Variants in NOS1 observed in about 807,000 individuals in gnomAD.
The protein encoded by NOS1 is NOS type I.
NOS1 carries 51 observed loss-of-function variants against 164.5 expected under a neutral mutation model. The observed-to-expected ratio is 0.31, with a 90% CI of 0.25 to 0.39. NOS1 has a LOEUF of 0.39. NOS1 is among the 10% of genes least tolerant of loss of function. The pLI, the probability that NOS1 is intolerant of heterozygous loss-of-function variation, is 1.00. For missense variants in NOS1, 1,362 were observed against 1,885.6 expected (o/e 0.72, Z 5.14); for synonymous variants, 719 against 745.8 (o/e 0.96, Z 0.59).
At chr12:117,283,542 T>G (rs1873858361) in intron 7 of NOS1, among the ~76,000 whole-genome samples, 1 of 152,180 alleles carries the variant, frequency 6.6e-6, no homozygotes, top group Non-Finnish European at 1.5e-5. Flanking sequence ...ACTCAGAGCC[T>G]GCTCAGAGCC....
intron 3 of NOS1, among the ~76,000 whole-genome samples, chr12:117,304,181 A>C (rs545095784): frequency 2.8e-4 from 43 of 152,198 alleles, no homozygotes; most frequent in Middle Eastern, 3.4e-3. Context: ...CAAAAAAAAA[A>C]CCACAAAAAC....
At chr12:117,220,877 C>T (rs964104719) in intron 26 of NOS1, among the ~76,000 whole-genome samples, 6 of 152,148 alleles carry the variant, frequency 3.9e-5, no homozygotes, top group African/African-American at 1.4e-4. Flanking sequence ...TTTAACTTGT[C>T]CAGGAAACTC....
intron 27 of NOS1, among the ~76,000 whole-genome samples, chr12:117,218,756 G>A (rs1259481145): frequency 6.6e-6 from 1 of 152,066 alleles, no homozygotes; most frequent in African/African-American, 2.4e-5. Context: ...CAGCCCAAAC[G>A]ACGACTGACT....
intron 11 of NOS1, among the ~76,000 whole-genome samples, chr12:117,266,022 A>C (rs2135988493): frequency 6.6e-6 from 1 of 150,628 alleles, no homozygotes; most frequent in East Asian, 2.0e-4. Context: ...GATGGTCTCG[A>C]TCTCCTGACC....
intron 22 of NOS1, among the ~76,000 whole-genome samples, chr12:117,228,043 AAGAG>A (rs1207617490): frequency 6.6e-6 from 1 of 151,768 alleles, no homozygotes; most frequent in African/African-American, 2.4e-5. Context: ...GATAGAAAGA[AAGAG>A]AGAGAGAGAA....
intron 13 of NOS1, among the ~76,000 whole-genome samples, chr12:117,263,271 C>T (rs531957833): frequency 1.3e-5 from 2 of 152,022 alleles, no homozygotes; most frequent in South Asian, 2.1e-4. Flanking sequence ...CAGCCCTGAA[C>T]GAGGGTGCTC....
chr12:117,258,564 G>A, intron 15 of NOS1, 109 bp from the exon 16 acceptor site: 4 of 1,136,128 alleles, frequency 3.5e-6, no homozygotes, highest in Non-Finnish European at 3.9e-6. Flanking sequence ...CTGATGCCCG[G>A]AGGCCAGGAT....
In NOS1 at chr12:117,215,032, C is replaced by A. The variant is rs996653182; in HGVS notation, c.*277G>T. 8.4e-7 allele frequency: 1 copy of A among 1,184,970 alleles called. No homozygotes were observed. The highest frequency in any genetic ancestry group is 1.0e-6 in the Non-Finnish European group (1 of 958,348). The allele number at this position is 1,184,970 out of a possible 1,614,324, so 73.4% of individuals were successfully genotyped here. A position where few individuals can be genotyped will look rare whatever the true frequency, so the allele number is the denominator to read the frequency against. ...CCATGTTCCAGTGGTTTCATGCACC[C>A]GTGAGTTGCCCTTGTCGGCAAGAGA... On this transcript the variant is annotated 3_prime_UTR_variant, in exon 29 of 29. Coordinates refer to ENST00000317775, the MANE Select transcript of NOS1 (RefSeq NM_000620.5).
chr12:117,219,145 A>G (rs1956658886), intron 27 of NOS1, among the ~76,000 whole-genome samples: 1 of 151,490 alleles, frequency 6.6e-6, no homozygotes, highest in Non-Finnish European at 1.5e-5. Flanking sequence ...CGCCCAGCTA[A>G]TTTTTGTATT....
intron 16 of NOS1, among the ~76,000 whole-genome samples, chr12:117,254,395 C>G (rs1871295645): frequency 1.3e-5 from 2 of 152,240 alleles, no homozygotes; most frequent in South Asian, 4.1e-4. Context: ...GTGTGAGCCA[C>G]TGCACCTGGC....
intron 25 of NOS1, 73 bp from the exon 26 acceptor site, chr12:117,222,936 TG>T (rs1414066856): frequency 6.5e-7 from 1 of 1,548,932 alleles, no homozygotes; most frequent in East Asian, 2.2e-5. Context: ...GTGCCAGGGA[TG>T]GGGTACTGAG....
chr12:117,210,985 C>T lies in NOS1; in HGVS notation c.*4324G>A, dbSNP rs903460916. The T allele has an allele frequency of 3.0e-5, 28 of 931,378 alleles. No individual in the cohort carries two copies. The Middle Eastern group carries it at 1.7e-3, about 56-fold the overall frequency. 57.7% of individuals were successfully genotyped at this position (931,378 alleles called of 1,614,324 possible). ...ATTTTATTTTTTTTGAGATAAGAGT[C>T]TTGCTCTGTCACCCAGGCTGGAGTG... is the stretch of plus-strand genomic sequence containing the variant. On this transcript the variant is annotated 3_prime_UTR_variant, in exon 29 of 29. Transcript: ENST00000317775.
intron 10 of NOS1, among the ~76,000 whole-genome samples, chr12:117,268,462 C>G (rs1345930091): frequency 1.3e-5 from 2 of 152,086 alleles, no homozygotes; most frequent in African/African-American, 4.8e-5. Context: ...AAACTCCTGG[C>G]CTCAAGTGAT....
rs777525805 is a variant in NOS1 at position 117,263,908 on chromosome 12, C to T, written c.2203G>A (p.Gly735Ser). ...NGTPTKRRAI[G>S]FKKLAEAVKF... is the part of the protein sequence containing the mutation. ...ACTTACTCTGCTAGCTTCTTGAAGC[C>T]AATGGCTCGCCGCTTTGTGGGGGTC... Residue 735 changes from glycine (G) to serine (S), a missense_variant, in exon 13 of 29, where the codon GGC (glycine) becomes AGC (serine). Coordinates refer to ENST00000317775, the MANE Select transcript of NOS1 (RefSeq NM_000620.5). 1.1e-5 allele frequency: 18 copies of T among 1,613,896 alleles called. No individual in the cohort carries two copies. The highest frequency in any genetic ancestry group is 8.9e-5 in the East Asian group (4 of 44,866).
intron 1 of NOS1, among the ~76,000 whole-genome samples, chr12:117,353,402 T>C (rs941580168): frequency 2.0e-5 from 3 of 152,248 alleles, no homozygotes; most frequent in South Asian, 2.1e-4. Context: ...AGAATCATGA[T>C]GTCTCAGCTC....
intron 3 of NOS1, among the ~76,000 whole-genome samples, chr12:117,304,616 C>T (rs1470345378): frequency 2.0e-5 from 3 of 152,134 alleles, no homozygotes; most frequent in African/African-American, 7.2e-5. Flanking sequence ...TATCTACTAT[C>T]CCAGGCCAGA....
intron 10 of NOS1, among the ~76,000 whole-genome samples, chr12:117,270,825 C>CA (rs1487655885): frequency 6.6e-6 from 1 of 151,962 alleles, no homozygotes; most frequent in Non-Finnish European, 1.5e-5. Flanking sequence ...CATCTGAGGT[C>CA]AAGAGTTCGA....
chr12:117,326,247 G>A (rs748352269), intron 2 of NOS1, among the ~76,000 whole-genome samples: 9 of 152,060 alleles, frequency 5.9e-5, no homozygotes, highest in Admixed American at 2.6e-4. Context: ...TTAGCCAGGC[G>A]TGGTGGCACA....
At chr12:117,271,223 T>C (rs1202147101) in intron 10 of NOS1, among the ~76,000 whole-genome samples, 1 of 151,502 alleles carries the variant, frequency 6.6e-6, no homozygotes, top group Non-Finnish European at 1.5e-5. Context: ...TACCCTCCGA[T>C]GTGTGGCAAA....
Sources: gnomAD v4.1 joint callset for allele counts (sites outside exome capture counted in the v4.1 genomes callset) on GRCh38, gnomAD v4.1.1 for gene constraint, MANE v1.5 for transcripts, NCBI Gene and HGNC (gene_info 2026-07-23, HGNC 2026-07-21) for gene names.